TBC1D8: variants seen among roughly 807,000 people sequenced by gnomAD.
The protein encoded by TBC1D8 is BUB2-like protein 1.
In TBC1D8, 65 loss-of-function variants were observed where a neutral mutation model predicts 118.8. That is an observed-to-expected ratio of 0.55 (90% CI 0.45 to 0.67). The LOEUF (loss-of-function observed/expected upper bound fraction) is 0.67. TBC1D8 is among the 30% of genes least tolerant of loss of function. TBC1D8 has a pLI of 0.00. For synonymous variants in TBC1D8, 566 were observed against 595.8 expected, an observed-to-expected ratio of 0.95 and a Z score of 0.73; for missense variants, 1,376 against 1,471.2, an observed-to-expected ratio of 0.94 and a Z score of 1.06.
chr2:101,079,749 G>A (rs941265481), intron 2 of TBC1D8, among the ~76,000 whole-genome samples: 13 of 140,326 alleles, frequency 9.3e-5, no homozygotes, highest in African/African-American at 2.2e-4. Context: ...GCAGTGGTGC[G>A]ATCTCGGCTC....
intron 1 of TBC1D8, among the ~76,000 whole-genome samples, chr2:101,129,581 A>C (rs1195670046): frequency 2.0e-5 from 3 of 152,100 alleles, no homozygotes; most frequent in Non-Finnish European, 4.4e-5. Flanking sequence ...AGCCAGGAAC[A>C]CCCACATTTC....
At chr2:101,017,713 T>C in intron 17 of TBC1D8, 1 of 799,368 alleles carries the variant, frequency 1.3e-6, no homozygotes, top group Non-Finnish European at 2.0e-6. Flanking sequence ...CAGATATCCA[T>C]GGTACATCAC....
At position 101,059,430 on chromosome 2, in the gene TBC1D8, C is replaced by A; in HGVS notation, c.393G>T (p.Gly131=). ...AACTCAGGGGACCTACCTTTACCTTCCCTTTGACAAAACTGGCAATGTCAT... is the reference window on the plus strand; with the variant it reads ...AACTCAGGGGACCTACCTTTACCTTACCTTTGACAAAACTGGCAATGTCAT... The part of the protein sequence containing the change: ...NKDDIASFVK[G]KVKALIAEET... The change falls in exon 3 of 20, where the codon GGG becomes GGT. Residue 131 remains glycine (G), a synonymous_variant. Coordinates refer to ENST00000409318, the MANE Select transcript of TBC1D8 (RefSeq NM_001330348.2). 1 of 1,613,374 alleles carries A rather than the reference C, an allele frequency of 6.2e-7. No individual in the cohort carries two copies. The highest frequency in any genetic ancestry group is 8.5e-7 in the Non-Finnish European group (1 of 1,179,452).
Position 101,066,837 on chromosome 2 carries a change from C to T in TBC1D8, c.284-7298G>A, listed in dbSNP as rs141847110. ...GCATGCACCTGTAATCTCAGCTACTCGAGAGGCTGAGGCAGGAGAATTTCT... is the reference window on the plus strand; with the variant it reads ...GCATGCACCTGTAATCTCAGCTACTTGAGAGGCTGAGGCAGGAGAATTTCT... On this transcript the variant is annotated intron_variant, in intron 2 of 19. Transcript: ENST00000409318. 3.9e-3 allele frequency among the ~76,000 whole-genome samples: 590 copies of T among 150,942 alleles called. 6 individuals carry two copies. Among genetic ancestry groups the T allele is most frequent in the African/African-American group, 0.012 (495 of 41,062 alleles).
At chr2:101,111,537 C>G (rs1677585964) in intron 1 of TBC1D8, among the ~76,000 whole-genome samples, 1 of 152,188 alleles carries the variant, frequency 6.6e-6, no homozygotes, top group Non-Finnish European at 1.5e-5. Flanking sequence ...TTCTCAAGAA[C>G]AGAATGAGCA....
Position 101,125,712 on chromosome 2 carries a change from A to C in TBC1D8, c.127+25415T>G, listed in dbSNP as rs547226350. 1.6e-4 allele frequency among the ~76,000 whole-genome samples: 25 copies of C among 152,368 alleles called. No homozygotes were observed. The East Asian group carries it at 4.8e-3, about 29-fold the overall frequency. ...AGGTATAGACGCACCTTTATGGTGC[A>C]GCAATACAATGTAGAGCCCAGAGAC... On this transcript the variant is annotated intron_variant, in intron 1 of 19. Coordinates refer to ENST00000409318, the MANE Select transcript of TBC1D8 (RefSeq NM_001330348.2).
intron 4 of TBC1D8, among the ~76,000 whole-genome samples, chr2:101,051,893 G>A (rs1243476468): frequency 6.6e-6 from 1 of 152,210 alleles, no homozygotes; most frequent in African/African-American, 2.4e-5. Flanking sequence ...GGAAAGAAGA[G>A]CACAGACCAC....
At chr2:101,021,028 C>T (rs1179921119) in intron 17 of TBC1D8, among the ~76,000 whole-genome samples, 3 of 152,146 alleles carry the variant, frequency 2.0e-5, no homozygotes, top group African/African-American at 7.2e-5. Flanking sequence ...GTTGTAAAAG[C>T]CACCAGGATA....
At chr2:101,089,203 A>T (rs1212542744) in intron 2 of TBC1D8, among the ~76,000 whole-genome samples, 2 of 151,630 alleles carry the variant, frequency 1.3e-5, no homozygotes, top group South Asian at 2.1e-4. Context: ...ATAAAATTTA[A>T]TTTTTTTTTA....
intron 1 of TBC1D8, among the ~76,000 whole-genome samples, chr2:101,120,326 T>C (rs1357282158): frequency 6.6e-6 from 1 of 152,202 alleles, no homozygotes; most frequent in Non-Finnish European, 1.5e-5. Context: ...TAGGCTGAGC[T>C]GTGGGTTGCT....
In TBC1D8 at chr2:101,027,421, G is replaced by A. The variant is rs756504530; in HGVS notation, c.2482C>T (p.Leu828Phe). The A allele has an allele frequency of 5.0e-6, 8 of 1,613,090 alleles. No individual in the cohort carries two copies. The highest frequency in any genetic ancestry group is 6.8e-6 in the Non-Finnish European group (8 of 1,179,342). ...LRVVIPEVSI[L>F]PEDLEELYDL... Reference sequence around the variant, plus strand: ...TAGAGCTCCTCTAGGTCTTCAGGAAGAATTGAGACTTCCGGGATAACGACT... The same window carrying A: ...TAGAGCTCCTCTAGGTCTTCAGGAAAAATTGAGACTTCCGGGATAACGACT... The change falls in exon 15 of 20, where the codon CTT (leucine) becomes TTT (phenylalanine). Residue 828 changes from leucine (L) to phenylalanine (F), a missense_variant. Leu to Phe is a conservative substitution (Grantham distance 22). Coordinates refer to ENST00000409318, the MANE Select transcript of TBC1D8 (RefSeq NM_001330348.2).
chr2:101,100,860 C>G (rs1435618589), intron 1 of TBC1D8, among the ~76,000 whole-genome samples: 1 of 152,190 alleles, frequency 6.6e-6, no homozygotes, highest in East Asian at 1.9e-4. Flanking sequence ...AACTGGACCC[C>G]TTCCTTACAC....
intron 1 of TBC1D8, among the ~76,000 whole-genome samples, chr2:101,127,062 C>G (rs1171457615): frequency 6.6e-6 from 1 of 152,152 alleles, no homozygotes; most frequent in Non-Finnish European, 1.5e-5. Flanking sequence ...CCTGGCCAGG[C>G]GCAGTGGTTG....
chr2:101,114,730 C>T (rs1677744291), intron 1 of TBC1D8, among the ~76,000 whole-genome samples: 1 of 152,212 alleles, frequency 6.6e-6, no homozygotes, highest in Non-Finnish European at 1.5e-5. Flanking sequence ...AAGAAGCACA[C>T]AGTGCAGACA....
chr2:101,079,164 A>G (rs904897304), intron 2 of TBC1D8, among the ~76,000 whole-genome samples: 2 of 152,144 alleles, frequency 1.3e-5, no homozygotes, highest in Non-Finnish European at 2.9e-5. Context: ...GTCATTTGCC[A>G]GTCATCTCCT....
chr2:101,134,963 G>C (rs1298106472), intron 1 of TBC1D8, among the ~76,000 whole-genome samples: 1 of 152,170 alleles, frequency 6.6e-6, no homozygotes, highest in Non-Finnish European at 1.5e-5. Flanking sequence ...CACAAGGTCA[G>C]GAGTTCAAGA....
At chr2:101,017,282 T>G (rs1172116709) in intron 17 of TBC1D8, among the ~76,000 whole-genome samples, 1 of 152,164 alleles carries the variant, frequency 6.6e-6, no homozygotes, top group Non-Finnish European at 1.5e-5. Context: ...TTTTTTTTAA[T>G]AAGTAGAAGG....
At chr2:101,111,393 T>C (rs1429085470) in intron 1 of TBC1D8, among the ~76,000 whole-genome samples, 1 of 152,182 alleles carries the variant, frequency 6.6e-6, no homozygotes, top group Admixed American at 6.5e-5. Context: ...GCAGACAACA[T>C]GCGCGGTCCT....
In TBC1D8 at chr2:101,028,444, G is replaced by T; in HGVS notation, c.2223-12C>A. ...TGTGATCTAGAAACCTGAACACACC[G>T]CCCCGTCAACGCCCAAGTCCATCCT... On this transcript the variant is annotated splice_polypyrimidine_tract_variant and intron_variant, in intron 12 of 19. Transcript: ENST00000409318. 1 of 1,542,796 alleles carries T rather than the reference G, an allele frequency of 6.5e-7. No individual in the cohort carries two copies. Among genetic ancestry groups the T allele is most frequent in the Non-Finnish European group, 8.7e-7 (1 of 1,145,782 alleles).
Sources: allele counts gnomAD v4.1 joint callset (sites outside exome capture counted in the v4.1 genomes callset), GRCh38; gene constraint gnomAD v4.1.1; transcripts MANE v1.5; gene names NCBI Gene and HGNC (gene_info 2026-07-23, HGNC 2026-07-21).